SCMH1: variants seen among roughly 807,000 people sequenced by gnomAD.
SCMH1 encodes the protein Scm polycomb group protein homolog 1.
In SCMH1, 37 loss-of-function variants were observed where a neutral mutation model predicts 70.8. That is an observed-to-expected ratio of 0.52 (90% CI 0.40 to 0.69). The LOEUF is 0.69. Ranked by LOEUF, SCMH1 falls within the 30% of genes least tolerant of loss-of-function variation. The pLI is 0.00. For missense variants in SCMH1, 607 were observed against 827.3 expected, an observed-to-expected ratio of 0.73 and a Z score of 3.27; for synonymous variants, 292 against 307.4, an observed-to-expected ratio of 0.95 and a Z score of 0.52.
chr1:41,079,466 TAA>T (rs1200914219), intron 8 of SCMH1, among the ~76,000 whole-genome samples: 4 of 152,080 alleles, frequency 2.6e-5, no homozygotes, highest in African/African-American at 9.7e-5. Context: ...ATGTACTCTA[TAA>T]ACACTAACCA....
intron 6 of SCMH1, among the ~76,000 whole-genome samples, chr1:41,138,158 C>T (rs550456605): frequency 1.3e-5 from 2 of 152,244 alleles, no homozygotes; most frequent in East Asian, 1.9e-4. Flanking sequence ...ACCTGAAAAA[C>T]AGCTGCAAAC....
At chr1:41,087,513 G>A (rs1662072703) in intron 8 of SCMH1, among the ~76,000 whole-genome samples, 1 of 149,118 alleles carries the variant, frequency 6.7e-6, no homozygotes, top group Non-Finnish European at 1.5e-5. Context: ...ATGACAACCT[G>A]TAAAAGAAAA....
chr1:41,100,698 T>G (rs1016177401), intron 8 of SCMH1, among the ~76,000 whole-genome samples: 2 of 151,984 alleles, frequency 1.3e-5, no homozygotes, highest in African/African-American at 4.8e-5. Flanking sequence ...CCCAAGTAGC[T>G]GGGACTACAG....
At chr1:41,048,847 T>C in exon 11 of SCMH1, 1 of 1,614,202 alleles carries the variant, frequency 6.2e-7, no homozygotes, top group Non-Finnish European at 8.5e-7. Context: ...TCTTCTTATC[T>C]AAGTGGGGGC....
Position 41,161,472 on chromosome 1 carries a change from A to G in SCMH1, c.14-40T>C, listed in dbSNP as rs1414625927. ...AAAAATAGTCATGTGGAAAGAAAGTATAAGATTAAATACTTTTCCAATTTG... is the reference window on the plus strand; with the variant it reads ...AAAAATAGTCATGTGGAAAGAAAGTGTAAGATTAAATACTTTTCCAATTTG... On this transcript the variant is annotated intron_variant, in intron 2 of 14. Transcript: ENST00000337495. 7 of 1,526,064 alleles carry G rather than the reference A, an allele frequency of 4.6e-6. No individual in the cohort carries two copies. The East Asian group carries it at 7.4e-5, about 16-fold the overall frequency. 94.5% of individuals were successfully genotyped at this position (1,526,064 alleles called of 1,614,324 possible).
At chr1:41,161,842 G>T (rs1319092465) in intron 2 of SCMH1, among the ~76,000 whole-genome samples, 1 of 152,162 alleles carries the variant, frequency 6.6e-6, no homozygotes, top group East Asian at 1.9e-4. Flanking sequence ...CCCAGTTATG[G>T]GCTCAACTGT....
chr1:41,080,171 C>A (rs960208740), intron 8 of SCMH1, among the ~76,000 whole-genome samples: 1 of 151,812 alleles, frequency 6.6e-6, no homozygotes, highest in African/African-American at 2.4e-5. Context: ...AAAAATACCA[C>A]TGACACAAGA....
At chr1:41,058,550 C>A (rs1651428810) in intron 10 of SCMH1, among the ~76,000 whole-genome samples, 2 of 151,644 alleles carry the variant, frequency 1.3e-5, no homozygotes, top group African/African-American at 2.4e-5. Context: ...CTGGCTAATT[C>A]TTTGTATATT....
At chr1:41,136,642 G>T (rs1311878819) in intron 6 of SCMH1, among the ~76,000 whole-genome samples, 2 of 152,120 alleles carry the variant, frequency 1.3e-5, no homozygotes, top group South Asian at 2.1e-4. Context: ...AAAGTGCTGG[G>T]ATTACAGGTG....
intron 10 of SCMH1, among the ~76,000 whole-genome samples, chr1:41,052,935 T>C (rs1256148769): frequency 7.9e-6 from 1 of 126,450 alleles, no homozygotes; most frequent in African/African-American, 3.2e-5. Context: ...TTTTTTTTCT[T>C]GAGACAGAGT....
intron 2 of SCMH1, among the ~76,000 whole-genome samples, chr1:41,167,404 C>T (rs543832779): frequency 1.3e-5 from 2 of 152,022 alleles, no homozygotes; most frequent in Non-Finnish European, 2.9e-5. Context: ...TGAAGAATTC[C>T]CTCCTCTTCA....
At chr1:41,119,249 AAG>A (rs1671289350) in intron 6 of SCMH1, among the ~76,000 whole-genome samples, 1 of 152,192 alleles carries the variant, frequency 6.6e-6, no homozygotes, top group African/African-American at 2.4e-5. Context: ...CAAATAAAAA[AAG>A]AGTTACCACT....
At chr1:41,120,778 T>C (rs1358094083) in intron 6 of SCMH1, among the ~76,000 whole-genome samples, 2 of 152,212 alleles carry the variant, frequency 1.3e-5, no homozygotes, top group African/African-American at 4.8e-5. Flanking sequence ...CCAGAGAGGC[T>C]AAGAAACTTG....
chr1:41,195,521 A>G (rs1417040881), intron 1 of SCMH1, among the ~76,000 whole-genome samples: 4 of 152,196 alleles, frequency 2.6e-5, no homozygotes, highest in Non-Finnish European at 4.4e-5. Flanking sequence ...AATGTGCTTT[A>G]TAATGAAAAT....
intron 1 of SCMH1, among the ~76,000 whole-genome samples, chr1:41,195,340 A>C (rs1652781017): frequency 6.6e-6 from 1 of 151,996 alleles, no homozygotes; most frequent in Non-Finnish European, 1.5e-5. Context: ...TAGCAAACAA[A>C]ATTTAGTAGC....
Position 41,072,535 on chromosome 1 carries a change from T to C in SCMH1, c.979-1814A>G, listed in dbSNP as rs371339588. Among the ~76,000 whole-genome samples, 16 of 152,276 alleles carry C rather than the reference T, an allele frequency of 1.1e-4. No individual in the cohort carries two copies. In the East Asian group the frequency reaches 2.3e-3, roughly 22 times the overall value. ...AAACCTGTTTGTCTGACTTTAAAGC[T>C]TATGCTCTATCCACAAGACTACTCT... On this transcript the variant is annotated intron_variant, in intron 9 of 14. Transcript: ENST00000337495.
At chr1:41,115,544 T>G (rs940265526) in intron 7 of SCMH1, among the ~76,000 whole-genome samples, 3 of 152,154 alleles carry the variant, frequency 2.0e-5, no homozygotes, top group African/African-American at 7.2e-5. Context: ...CTTAAGCGAT[T>G]CTTCCACCTC....
chr1:41,181,667 T>C (rs1648808699), intron 2 of SCMH1, among the ~76,000 whole-genome samples: 1 of 152,156 alleles, frequency 6.6e-6, no homozygotes, highest in South Asian at 2.1e-4. Flanking sequence ...TCACACCAGT[T>C]AGAATAGCAA....
Position 41,242,020 on chromosome 1 carries a change from G to T in SCMH1, c.-118+39C>A, listed in dbSNP as rs1318006772. 1.3e-5 allele frequency: 2 copies of T among 152,390 alleles called. No individual in the cohort carries two copies. Among genetic ancestry groups the T allele is most frequent in the Non-Finnish European group, 2.9e-5 (2 of 68,078 alleles). 9.4% of individuals were successfully genotyped at this position (152,390 alleles called of 1,614,324 possible). A position where few individuals can be genotyped will look rare whatever the true frequency, so the allele number is the denominator to read the frequency against. ...GGCCCCAGGCGGCCCCTCAGGGCAC[G>T]AGCTCTTAGGCGGGCGGAGGCGGCC... On this transcript the variant is annotated intron_variant, in intron 1 of 14. Coordinates refer to ENST00000337495, the Ensembl canonical transcript of SCMH1. The surrounding 1 kb of genome is among the most constrained non-coding windows in gnomAD (Gnocchi z 5.2).
Sources: allele counts gnomAD v4.1 joint callset (sites outside exome capture counted in the v4.1 genomes callset), GRCh38; gene constraint gnomAD v4.1.1; non-coding constraint Gnocchi (gnomAD v3.1); transcripts MANE v1.5; gene names NCBI Gene and HGNC (gene_info 2026-07-23, HGNC 2026-07-21).